NAV1: variants seen among roughly 807,000 people sequenced by gnomAD.
The protein encoded by NAV1 is pore membrane and/or filament interacting like protein 3.
In NAV1, 18 loss-of-function variants were observed where a neutral mutation model predicts 175.2. The ratio of observed to expected loss-of-function variants is 0.10; its 90% CI spans 0.07 to 0.15. The LOEUF (loss-of-function observed/expected upper bound fraction) is 0.15. Ranked by LOEUF, NAV1 falls within the 10% of genes least tolerant of loss-of-function variation. The pLI is 1.00. For missense variants in NAV1, 1,731 were observed against 2,436.6 expected (o/e 0.71, Z 6.10); for synonymous variants, 897 against 978.7 (o/e 0.92, Z 1.56).
At chr1:201,638,672 C>G (rs1192264852) in intron 2 of NAV1, among the ~76,000 whole-genome samples, 1 of 152,236 alleles carries the variant, frequency 6.6e-6, no homozygotes, top group African/African-American at 2.4e-5. Flanking sequence ...GGAACACACA[C>G]AGACCTATAT....
intron 3 of NAV1, among the ~76,000 whole-genome samples, chr1:201,720,992 G>A (rs1672361018): frequency 6.6e-6 from 1 of 151,968 alleles, no homozygotes; most frequent in East Asian, 1.9e-4. Context: ...GGGTAGGAAA[G>A]ACCCCCTTTA....
rs147362851 is a variant in NAV1 at position 201,558,845 on chromosome 1, G to A, written c.-144+19503G>A. On this transcript the variant is annotated intron_variant, in intron 1 of 33. Transcript: ENST00000685211. The stretch of plus-strand genomic sequence containing the variant: ...TTCAGGGAAGGAATCAAAAGCAATT[G>A]TGTTCCTCTTTGGGGTCTGGCTTCT... Among the ~76,000 whole-genome samples, 506 of 152,298 alleles carry A rather than the reference G, an allele frequency of 3.3e-3. 3 individuals carry two copies. The highest frequency in any genetic ancestry group is 0.011 in the African/African-American group (453 of 41,552).
At chr1:201,642,009 TTCTC>T (rs779245340) in intron 2 of NAV1, among the ~76,000 whole-genome samples, 14 of 150,500 alleles carry the variant, frequency 9.3e-5, no homozygotes, top group Admixed American at 4.6e-4. Context: ...ATTCCCTTCC[TTCTC>T]TCTTTCTTTC....
rs776934152 is a variant in NAV1, at chr1:201,785,297, TTTA to T, written c.2805-11_2805-9del. 5.2e-5 allele frequency: 83 copies of T among 1,597,762 alleles called. No individual in the cohort carries two copies. The African/African-American group carries it at 7.4e-4, about 14-fold the overall frequency. On this transcript the variant is annotated splice_polypyrimidine_tract_variant and intron_variant, in intron 7 of 29. Coordinates refer to ENST00000367296, the Ensembl canonical transcript of NAV1. ...CTCTCTCTCTCTTTTTTTTTTTTTT[TTTA>T]TCTCCACAGTAATCAGCGGGATCGG...
intron 3 of NAV1, among the ~76,000 whole-genome samples, chr1:201,771,516 A>C (rs901719406): frequency 4.0e-5 from 6 of 151,794 alleles, no homozygotes; most frequent in African/African-American, 7.3e-5. Flanking sequence ...AAAAAAAAAA[A>C]AAAAAACTGG....
intron 3 of NAV1, among the ~76,000 whole-genome samples, chr1:201,735,317 C>T (rs1302910402): frequency 6.6e-6 from 1 of 152,228 alleles, no homozygotes; most frequent in Non-Finnish European, 1.5e-5. Context: ...TAATTTTCTC[C>T]TCTGTGAAAA....
At chr1:201,625,185 T>C (rs552624211) in intron 1 of NAV1, among the ~76,000 whole-genome samples, 1 of 152,236 alleles carries the variant, frequency 6.6e-6, no homozygotes, top group South Asian at 2.1e-4. Flanking sequence ...TGTTATAGGA[T>C]GATGAAAGGA....
chr1:201,688,346 C>T (rs961927331), intron 1 of NAV1: 36 of 152,172 alleles, frequency 2.4e-4, no homozygotes, highest in African/African-American at 8.4e-4. Context: ...ATCTGCACAG[C>T]TTGTGGTCTC....
At chr1:201,551,675 CT>C (rs2102453611) in intron 1 of NAV1, among the ~76,000 whole-genome samples, 1 of 152,300 alleles carries the variant, frequency 6.6e-6, no homozygotes, top group Non-Finnish European at 1.5e-5. Flanking sequence ...ATAAAAGCTA[CT>C]TTAAAGTACA....
chr1:201,560,973 G>A (rs1218589845), intron 1 of NAV1, among the ~76,000 whole-genome samples: 15 of 152,242 alleles, frequency 9.9e-5, no homozygotes, highest in African/African-American at 3.4e-4. Context: ...TTCCAGTGGC[G>A]TGCAGCAGTC....
intron 14 of NAV1, 160 bp from the exon 19 acceptor site, chr1:201,794,306 C>T: frequency 1.5e-6 from 1 of 673,778 alleles, no homozygotes; most frequent in South Asian, 1.6e-5. Context: ...TGCCCGCCAC[C>T]ACGCCCAGCT....
intron 1 of NAV1, among the ~76,000 whole-genome samples, chr1:201,558,222 T>C (rs1666089341): frequency 6.6e-6 from 1 of 152,174 alleles, no homozygotes; most frequent in Admixed American, 6.5e-5. Flanking sequence ...CACAGGAGAA[T>C]GGTCACTCCA....
chr1:201,813,252 G>T lies in NAV1; in HGVS notation c.5334G>T (p.Gly1778=). 6.2e-7 allele frequency: 1 copy of T among 1,605,958 alleles called. No individual in the cohort carries two copies. The highest frequency in any genetic ancestry group is 1.3e-5 in the African/African-American group (1 of 74,862). The change falls in exon 28 of 30, where the codon GGG becomes GGT. Residue 1778 remains glycine, a synonymous_variant. Coordinates refer to ENST00000367296, the Ensembl canonical transcript of NAV1. This position sits in a 1 kb window ranked among gnomAD's most constrained non-coding sequence, Gnocchi z 4.2. ...ATCTACAGGAAGGAGCCAAGGATGG[G>T]ATAAAGGTGAGCCCTACCCCCTTCA...
At position 201,702,686 on chromosome 1, in the gene NAV1, C is replaced by CTCTT. The variant is rs1571894533; in HGVS notation, c.758-10128_758-10127insTTCT. On this transcript the variant is annotated intron_variant, in intron 1 of 29. Coordinates refer to ENST00000367296, the Ensembl canonical transcript of NAV1. ...TGGTATGTGAATTCTCTCTCTCTCT[C>CTCTT]TCTCTCTCTCTCTCTCTCTCTCTCT... is the stretch of plus-strand genomic sequence containing the variant. Among the ~76,000 whole-genome samples the CTCTT allele has an allele frequency of 2.3e-3, 299 of 127,636 alleles. 23 individuals are homozygous for CTCTT. Among genetic ancestry groups the CTCTT allele is most frequent in the African/African-American group, 8.0e-3 (258 of 32,408 alleles). 83.7% of individuals were successfully genotyped at this position (127,636 alleles called of 152,430 possible). A position where few individuals can be genotyped will look rare whatever the true frequency, so the allele number is the denominator to read the frequency against.
intron 11 of NAV1, among the ~76,000 whole-genome samples, chr1:201,790,184 C>G (rs1677020550): frequency 6.6e-6 from 1 of 152,182 alleles, no homozygotes; most frequent in Non-Finnish European, 1.5e-5. Flanking sequence ...TTGTGGGGCA[C>G]CAGCCACAGC....
At chr1:201,809,671 A>T (rs1678567942) in intron 22 of NAV1, 134 bp downstream of exon 26, 2 of 841,586 alleles carry the variant, frequency 2.4e-6, no homozygotes, top group Admixed American at 5.0e-5. Flanking sequence ...GCAGCCTTGA[A>T]CTCTTGGGCT....
At chr1:201,669,434 TG>T (rs1669951098) in intron 1 of NAV1, among the ~76,000 whole-genome samples, 1 of 150,744 alleles carries the variant, frequency 6.6e-6, no homozygotes, top group Non-Finnish European at 1.5e-5. Flanking sequence ...TTGAGGAAAG[TG>T]GAAGAAGGCC....
At chr1:201,679,803 A>C (rs1460833336) in intron 1 of NAV1, among the ~76,000 whole-genome samples, 2 of 152,222 alleles carry the variant, frequency 1.3e-5, no homozygotes, top group East Asian at 3.8e-4. Flanking sequence ...GGAGTGATGC[A>C]AAGAGGGATG....
intron 1 of NAV1, among the ~76,000 whole-genome samples, chr1:201,701,152 T>A (rs1671406841): frequency 6.7e-6 from 1 of 149,370 alleles, no homozygotes. Context: ...CTGAGCAAAC[T>A]ATCACAAGGA....
Sources: allele counts gnomAD v4.1 joint callset (sites outside exome capture counted in the v4.1 genomes callset), GRCh38; gene constraint gnomAD v4.1.1; non-coding constraint Gnocchi (gnomAD v3.1); transcripts MANE v1.5; gene names NCBI Gene and HGNC (gene_info 2026-07-23, HGNC 2026-07-21).